The following KCNAB1 variants were observed in gnomAD, a reference collection of about 807,000 sequenced individuals.
KCNAB1 encodes the protein potassium voltage-gated channel subfamily A regulatory beta subunit 1.
A neutral mutation model predicts 64.6 loss-of-function variants in KCNAB1; 35 were observed. The ratio of observed to expected loss-of-function variants is 0.54; its 90% CI spans 0.41 to 0.72. The LOEUF is 0.72. Among genes scored for constraint, KCNAB1 ranks in the 30% least tolerant of loss-of-function variants. The probability of loss-of-function intolerance (pLI) is 0.00; values close to 1 mark genes in which losing one functional copy is unlikely to be tolerated. For missense variants in KCNAB1, 401 were observed against 512.9 expected (o/e 0.78, Z 2.11); for synonymous variants, 177 against 183.8 (o/e 0.96, Z 0.30).
intron 1 of KCNAB1, among the ~76,000 whole-genome samples, chr3:156,253,928 G>C (rs568158303): frequency 6.6e-6 from 1 of 152,288 alleles, no homozygotes; most frequent in East Asian, 1.9e-4. Flanking sequence ...GGCTTTAAGT[G>C]GGGGTATATG....
chr3:156,319,257 G>A (rs926377561), intron 1 of KCNAB1, among the ~76,000 whole-genome samples: 2 of 152,146 alleles, frequency 1.3e-5, no homozygotes, highest in African/African-American at 2.4e-5. Context: ...TGCTGCAGGT[G>A]CAAATAGCCC....
At chr3:156,439,631 CT>C (rs1390879894) in intron 2 of KCNAB1, among the ~76,000 whole-genome samples, 1 of 152,200 alleles carries the variant, frequency 6.6e-6, no homozygotes, top group African/African-American at 2.4e-5. Flanking sequence ...GAAAGTTCTA[CT>C]CTCTTATCGT....
chr3:156,469,681 G>A (rs1001346848), intron 7 of KCNAB1, among the ~76,000 whole-genome samples: 22 of 152,134 alleles, frequency 1.4e-4, no homozygotes, highest in Non-Finnish European at 2.8e-4. Context: ...TCAAACTTTT[G>A]AGATGGAAGA....
At chr3:156,240,728 C>A (rs1488934539) in intron 1 of KCNAB1, among the ~76,000 whole-genome samples, 2 of 152,148 alleles carry the variant, frequency 1.3e-5, no homozygotes, top group Admixed American at 1.3e-4. Context: ...CATTACTATG[C>A]CTATCCAAGT....
chr3:156,444,296 A>G (rs1717244655), intron 2 of KCNAB1, among the ~76,000 whole-genome samples: 1 of 152,224 alleles, frequency 6.6e-6, no homozygotes, highest in Non-Finnish European at 1.5e-5. Flanking sequence ...CTTGATAAAC[A>G]TACAGATGCC....
intron 1 of KCNAB1, among the ~76,000 whole-genome samples, chr3:156,183,369 C>T (rs1400484732): frequency 6.6e-6 from 1 of 152,204 alleles, no homozygotes; most frequent in Non-Finnish European, 1.5e-5. Flanking sequence ...GGATTCGGTA[C>T]AGTGGTGCTA....
At chr3:156,271,806 A>C (rs187852855) in intron 1 of KCNAB1, among the ~76,000 whole-genome samples, 89 of 152,330 alleles carry the variant, frequency 5.8e-4, no homozygotes, top group Middle Eastern at 3.4e-3. Flanking sequence ...TAGTCTTTGC[A>C]GCCTGGGCTT....
At chr3:156,262,122 A>G (rs1718466440) in intron 1 of KCNAB1, among the ~76,000 whole-genome samples, 1 of 151,926 alleles carries the variant, frequency 6.6e-6, no homozygotes. Flanking sequence ...TTTCTACATA[A>G]CAGATTATGT....
At chr3:156,143,167 G>A in intron 1 of KCNAB1, 1 of 1,574,608 alleles carries the variant, frequency 6.4e-7, no homozygotes, top group Non-Finnish European at 8.6e-7. Flanking sequence ...TGCTTCCTTG[G>A]GTTTTTGAAA....
intron 1 of KCNAB1, among the ~76,000 whole-genome samples, chr3:156,420,854 C>CA (rs1401172405): frequency 2.0e-5 from 3 of 151,810 alleles, no homozygotes; most frequent in Non-Finnish European, 2.9e-5. Flanking sequence ...GTTTAGAAAG[C>CA]AAAAATATAT....
intron 1 of KCNAB1, chr3:156,143,194 C>T (rs772073533): frequency 1.2e-6 from 2 of 1,609,138 alleles, no homozygotes; most frequent in South Asian, 2.2e-5. Context: ...TCTGTATAAA[C>T]CTGCCTGTGC....
At chr3:156,532,982 GC>G (rs1718804806) in intron 13 of KCNAB1, among the ~76,000 whole-genome samples, 1 of 152,190 alleles carries the variant, frequency 6.6e-6, no homozygotes, top group African/African-American at 2.4e-5. Flanking sequence ...GAGCTCATGT[GC>G]TGGCTGAGAA....
chr3:156,526,861 C>CA lies in KCNAB1; in HGVS notation c.1081+2927dup, dbSNP rs11314730. ...GAATAAAATGGGTGCTGATTCTAGA[C>CA]AAAAAAAAAAAAATCCTAAAGATTA... is the stretch of plus-strand genomic sequence containing the variant. On this transcript the variant is annotated intron_variant, in intron 12 of 13. Transcript: ENST00000490337. Among the ~76,000 whole-genome samples, 1,070 of 142,378 alleles carry CA rather than the reference C, an allele frequency of 7.5e-3. 6 individuals carry two copies. Among genetic ancestry groups the CA allele is most frequent in the Middle Eastern group, 0.019 (5 of 264 alleles). 93.4% of individuals were successfully genotyped at this position (142,378 alleles called of 152,430 possible). A position where few individuals can be genotyped will look rare whatever the true frequency, so the allele number is the denominator to read the frequency against.
chr3:156,432,964 G>A (rs1456198882), intron 2 of KCNAB1, among the ~76,000 whole-genome samples: 1 of 152,192 alleles, frequency 6.6e-6, no homozygotes, highest in Non-Finnish European at 1.5e-5. Context: ...TCCTGGCCCT[G>A]CTGATGGATT....
intron 1 of KCNAB1, among the ~76,000 whole-genome samples, chr3:156,284,023 T>C (rs1357054374): frequency 2.0e-5 from 3 of 152,140 alleles, no homozygotes; most frequent in Non-Finnish European, 4.4e-5. Context: ...CTGCATTCCT[T>C]TGGAGGAGGA....
intron 1 of KCNAB1, among the ~76,000 whole-genome samples, chr3:156,222,811 TA>T (rs1423612294): frequency 1.3e-5 from 2 of 152,184 alleles, no homozygotes; most frequent in Non-Finnish European, 2.9e-5. Flanking sequence ...GGAAATTAAA[TA>T]ACCTGATCCT....
intron 1 of KCNAB1, among the ~76,000 whole-genome samples, chr3:156,293,479 G>A (rs1160854691): frequency 6.6e-6 from 1 of 152,182 alleles, no homozygotes; most frequent in Admixed American, 6.5e-5. Context: ...TTTTATAAAA[G>A]TTGCCCTTGA....
At chr3:156,513,044 C>G (rs1717317858) in intron 8 of KCNAB1, among the ~76,000 whole-genome samples, 1 of 152,164 alleles carries the variant, frequency 6.6e-6, no homozygotes, top group African/African-American at 2.4e-5. Flanking sequence ...AACCCTGTCT[C>G]TACCAAAAAT....
chr3:156,504,716 T>A (rs1429116486), intron 8 of KCNAB1, among the ~76,000 whole-genome samples: 4 of 151,410 alleles, frequency 2.6e-5, no homozygotes, highest in African/African-American at 9.7e-5. Context: ...TGCCCATTTT[T>A]AAATTGGATT....
Sources: allele counts gnomAD v4.1 joint callset (sites outside exome capture counted in the v4.1 genomes callset), GRCh38; gene constraint gnomAD v4.1.1; transcripts MANE v1.5; gene names NCBI Gene and HGNC (gene_info 2026-07-23, HGNC 2026-07-21).